POPDC1: variants seen among roughly 807,000 people sequenced by gnomAD.
The protein encoded by POPDC1 is popeye domain-containing protein 1.
At chr6:105,101,445 G>A in the POPDC1 span, among the ~76,000 whole-genome samples, 10 of 152,276 alleles carry the variant, frequency 6.6e-5, no homozygotes, top group Admixed American at 1.3e-4. Flanking sequence ...AGATTCCACC[G>A]CATGTGCTTG....
chr6:105,126,629 T>G, the POPDC1 span, among the ~76,000 whole-genome samples: 2 of 152,144 alleles, frequency 1.3e-5, no homozygotes, highest in African/African-American at 4.8e-5. Flanking sequence ...ACCTTTTGTT[T>G]CACACACACA....
the POPDC1 span, among the ~76,000 whole-genome samples, chr6:105,109,117 C>T: frequency 1.3e-5 from 2 of 152,016 alleles, no homozygotes; most frequent in African/African-American, 2.4e-5. Context: ...GCCATCATGC[C>T]CTGCTATTTT....
chr6:105,122,833 A>G, the POPDC1 span, among the ~76,000 whole-genome samples: 1 of 152,368 alleles, frequency 6.6e-6, no homozygotes, highest in Admixed American at 6.5e-5. Context: ...GACAGGAGCC[A>G]GGACACAGCA....
chr6:105,123,030 G>C, the POPDC1 span, among the ~76,000 whole-genome samples: 1 of 152,194 alleles, frequency 6.6e-6, no homozygotes, highest in Non-Finnish European at 1.5e-5. Flanking sequence ...AAACTAAACT[G>C]TATGTCTAAA....
chr6:105,133,328 T>C, the POPDC1 span: 4 of 1,565,976 alleles, frequency 2.6e-6, no homozygotes, highest in Non-Finnish European at 1.8e-6. Context: ...AAAAGTTACA[T>C]AAAGTATCAG....
the POPDC1 span, among the ~76,000 whole-genome samples, chr6:105,135,178 A>G: frequency 6.6e-6 from 1 of 152,254 alleles, no homozygotes; most frequent in South Asian, 2.1e-4. Context: ...TTATTCATCT[A>G]TGTACTTCCA....
chr6:105,107,827 A>G, the POPDC1 span, among the ~76,000 whole-genome samples: 1 of 152,164 alleles, frequency 6.6e-6, no homozygotes. Flanking sequence ...CCTGGAAAGA[A>G]TTCTTTTCCT....
At chr6:105,109,763 C>CAAAAAAAAAAAAAAAAAAAAAAAA in the POPDC1 span, among the ~76,000 whole-genome samples, 103 of 22,836 alleles carry the variant, frequency 4.5e-3, 33 homozygotes, top group East Asian at 7.7e-3. Flanking sequence ...GACCCTTTCT[C>CAAAAAAAAAAAAAAAAAAAAAAAA]AAAAAAAAAA....
chr6:105,105,472 C>T, the POPDC1 span, among the ~76,000 whole-genome samples: 3 of 152,186 alleles, frequency 2.0e-5, no homozygotes, highest in African/African-American at 7.2e-5. Context: ...TCATGGCCAC[C>T]AGAAAGCCCA....
At chr6:105,131,969 T>C in the POPDC1 span, among the ~76,000 whole-genome samples, 11 of 143,608 alleles carry the variant, frequency 7.7e-5, no homozygotes, top group Admixed American at 7.4e-4. Flanking sequence ...TTTATCACTT[T>C]TTTTTTTTTT....
At chr6:105,114,124 T>C in the POPDC1 span, among the ~76,000 whole-genome samples, 1 of 152,226 alleles carries the variant, frequency 6.6e-6, no homozygotes, top group Non-Finnish European at 1.5e-5. Context: ...ATAACTCGTC[T>C]TTAAGTCTTC....
the POPDC1 span, among the ~76,000 whole-genome samples, chr6:105,113,230 C>A: frequency 6.6e-6 from 1 of 151,982 alleles, no homozygotes; most frequent in Non-Finnish European, 1.5e-5. Flanking sequence ...CTGTGCCTGG[C>A]CAAGCATGAG....
the POPDC1 span, among the ~76,000 whole-genome samples, chr6:105,119,325 GACT>G: frequency 6.6e-6 from 1 of 152,042 alleles, no homozygotes; most frequent in Non-Finnish European, 1.5e-5. Context: ...TCTGCCTAGT[GACT>G]ACAAGGTTGG....
the POPDC1 span, chr6:105,097,523 T>C: frequency 6.6e-6 from 1 of 152,218 alleles, no homozygotes; most frequent in Non-Finnish European, 1.5e-5. Flanking sequence ...AGCATGAAAC[T>C]TTCTCTGGAG....
the POPDC1 span, chr6:105,124,596 T>C: frequency 6.2e-7 from 1 of 1,613,054 alleles, no homozygotes; most frequent in Non-Finnish European, 8.5e-7. Flanking sequence ...TTCAGGAGAA[T>C]CTATAAAGGC....
the POPDC1 span, among the ~76,000 whole-genome samples, chr6:105,132,650 G>T: frequency 6.6e-6 from 1 of 152,174 alleles, no homozygotes; most frequent in African/African-American, 2.4e-5. Flanking sequence ...GGCCATCAGG[G>T]AAATAATCAC....
At chr6:105,098,909 G>A in the POPDC1 span, 1 of 152,358 alleles carries the variant, frequency 6.6e-6, no homozygotes, top group African/African-American at 2.4e-5. Flanking sequence ...CTGTTGCCCA[G>A]GCTGGAGTGC....
At chr6:105,129,258 T>C in the POPDC1 span, 2 of 898,128 alleles carry the variant, frequency 2.2e-6, no homozygotes, top group Non-Finnish European at 3.1e-6. Flanking sequence ...AAGCCTAAAC[T>C]TCAGAGAAAT....
the POPDC1 span, chr6:105,100,560 ATATATATATGTATGTATGTATG>A: frequency 8.6e-4 from 118 of 137,432 alleles, no homozygotes; most frequent in African/African-American, 3.3e-3. Flanking sequence ...ATGTATATAT[ATATATATATGTATGTATGTATG>A]TGTGTGTGTG....
Sources: allele counts gnomAD v4.1 joint callset (sites outside exome capture counted in the v4.1 genomes callset), GRCh38; gene constraint gnomAD v4.1.1; transcripts MANE v1.5; gene names NCBI Gene and HGNC (gene_info 2026-07-23, HGNC 2026-07-21).